Variants in PRKG1 observed in about 807,000 individuals in gnomAD.
PRKG1 encodes the protein cGMP-dependent protein kinase 1.
A neutral mutation model predicts 88.1 loss-of-function variants in PRKG1; 35 were observed. The observed-to-expected ratio is 0.40, with a 90% CI of 0.30 to 0.53. The LOEUF is 0.53. Among genes scored for constraint, PRKG1 ranks in the 20% least tolerant of loss-of-function variants. The probability of loss-of-function intolerance (pLI) is 0.59; values close to 1 mark genes in which losing one functional copy is unlikely to be tolerated. For missense variants in PRKG1, 540 were observed against 839.8 expected, an observed-to-expected ratio of 0.64 and a Z score of 4.41; for synonymous variants, 303 against 292.5, an observed-to-expected ratio of 1.04 and a Z score of -0.37.
intron 2 of PRKG1, among the ~76,000 whole-genome samples, chr10:51,388,321 AG>A (rs1164375390): frequency 6.6e-6 from 1 of 152,240 alleles, no homozygotes; most frequent in Non-Finnish European, 1.5e-5. Flanking sequence ...AACCGAGTCC[AG>A]TGAGACTAGC....
At chr10:51,845,045 T>G (rs1447750923) in intron 4 of PRKG1, among the ~76,000 whole-genome samples, 2 of 152,140 alleles carry the variant, frequency 1.3e-5, no homozygotes, top group Admixed American at 1.3e-4. Context: ...ATTTCTAAAT[T>G]GGCTTTATGT....
At chr10:51,479,853 G>A (rs774987287) in intron 3 of PRKG1, among the ~76,000 whole-genome samples, 3 of 152,014 alleles carry the variant, frequency 2.0e-5, no homozygotes, top group Non-Finnish European at 2.9e-5. Flanking sequence ...CGCCTTCACA[G>A]CATTTGAATT....
rs930552193 is a variant in PRKG1, at chr10:52,197,874, G to A, written c.1076+35911G>A. 2.6e-5 allele frequency among the ~76,000 whole-genome samples: 4 copies of A among 152,136 alleles called. No homozygotes were observed. In the East Asian group the frequency reaches 5.8e-4, roughly 22 times the overall value. ...ACAAAACTTCTTCCTGCTAGTGACA[G>A]GTACTCTGGGATGTTTAATATGCCT... On this transcript the variant is annotated intron_variant, in intron 9 of 17. Coordinates refer to ENST00000373980, the MANE Select transcript of PRKG1 (RefSeq NM_006258.4).
chr10:51,770,149 C>T (rs10999356), intron 3 of PRKG1, among the ~76,000 whole-genome samples: 4 of 152,224 alleles, frequency 2.6e-5, no homozygotes, highest in Admixed American at 2.6e-4. Flanking sequence ...TATGCGTCCT[C>T]TAAGGAATCT....
chr10:52,204,100 A>ATTT (rs1554817003), intron 9 of PRKG1, among the ~76,000 whole-genome samples: 1 of 127,458 alleles, frequency 7.8e-6, no homozygotes, highest in African/African-American at 2.8e-5. Context: ...TATTATTATT[A>ATTT]TTATTATTTT....
chr10:51,316,585 G>A (rs1192561141), intron 2 of PRKG1, among the ~76,000 whole-genome samples: 1 of 152,122 alleles, frequency 6.6e-6, no homozygotes, highest in African/African-American at 2.4e-5. Context: ...AGGAGGCTGA[G>A]GCAGGAGAGT....
chr10:51,865,355 G>A (rs1243620989), intron 4 of PRKG1, among the ~76,000 whole-genome samples: 2 of 151,786 alleles, frequency 1.3e-5, no homozygotes, highest in Non-Finnish European at 2.9e-5. Context: ...TACAACATAG[G>A]TATAATTTAC....
chr10:52,077,429 A>G (rs1415700414), intron 7 of PRKG1, among the ~76,000 whole-genome samples: 1 of 152,202 alleles, frequency 6.6e-6, no homozygotes, highest in Non-Finnish European at 1.5e-5. Flanking sequence ...ATTCTATAGA[A>G]TTTTATATAG....
intron 3 of PRKG1, among the ~76,000 whole-genome samples, chr10:51,475,413 G>T (rs12249091): frequency 7.6e-4 from 115 of 152,022 alleles, no homozygotes; most frequent in African/African-American, 2.8e-3. Context: ...TCCAGGTAAT[G>T]CCCCTATAGT....
intron 3 of PRKG1, among the ~76,000 whole-genome samples, chr10:51,646,106 A>G (rs1056579126): frequency 6.6e-6 from 1 of 152,128 alleles, no homozygotes; most frequent in African/African-American, 2.4e-5. Context: ...AATTCTATTC[A>G]GCCACAGAAA....
chr10:51,133,855 A>G (rs1489120696), intron 1 of PRKG1, among the ~76,000 whole-genome samples: 1 of 152,202 alleles, frequency 6.6e-6, no homozygotes. Flanking sequence ...AATATATTAA[A>G]AAGATAAATG....
chr10:51,224,665 T>G (rs762599648), intron 2 of PRKG1, among the ~76,000 whole-genome samples: 2 of 152,202 alleles, frequency 1.3e-5, no homozygotes, highest in Non-Finnish European at 2.9e-5. Flanking sequence ...TTCATTTTAT[T>G]TTTCTCCTAC....
chr10:51,816,537 A>ACGCGTGTGTGTG (rs1554844358), intron 4 of PRKG1, among the ~76,000 whole-genome samples: 1 of 145,938 alleles, frequency 6.9e-6, no homozygotes, highest in African/African-American at 2.5e-5. Flanking sequence ...TAATTTTGGC[A>ACGCGTGTGTGTG]TGTGTGTGTG....
At chr10:52,199,063 T>G (rs1564513325) in intron 9 of PRKG1, among the ~76,000 whole-genome samples, 1 of 147,426 alleles carries the variant, frequency 6.8e-6, no homozygotes, top group Non-Finnish European at 1.5e-5. Flanking sequence ...TGATGAAGGA[T>G]GAGATTGGAT....
intron 3 of PRKG1, among the ~76,000 whole-genome samples, chr10:51,670,046 G>C (rs56005445): frequency 0.19 from 29,548 of 151,952 alleles, 3,200 homozygotes; most frequent in Non-Finnish European, 0.26. Context: ...TTTTAAGGCT[G>C]TATTAGTTGA....
At chr10:51,605,618 A>T (rs1838744609) in intron 3 of PRKG1, among the ~76,000 whole-genome samples, 1 of 152,214 alleles carries the variant, frequency 6.6e-6, no homozygotes, top group Non-Finnish European at 1.5e-5. Context: ...AGAGAGTGTA[A>T]CCATTCCATC....
At chr10:51,818,961 C>A (rs1779424222) in intron 4 of PRKG1, among the ~76,000 whole-genome samples, 1 of 84,660 alleles carries the variant, frequency 1.2e-5, no homozygotes, top group African/African-American at 1.0e-4. Context: ...GAGCCGAGAT[C>A]CCGCCACTGC....
chr10:52,040,150 C>A lies in PRKG1; in HGVS notation c.763-14334C>A, dbSNP rs527972525. On this transcript the variant is annotated intron_variant, in intron 5 of 17. Transcript: ENST00000373980. ...AAAGGTTAAGTGTTTATTTTAAACT[C>A]CTAAAGAAGTAAAATATTGAGTAAA... Among the ~76,000 whole-genome samples, 29 of 152,218 alleles carry A rather than the reference C, an allele frequency of 1.9e-4. No homozygotes were observed. In the South Asian group the frequency reaches 4.6e-3, roughly 24 times the overall value.
chr10:52,098,917 A>G (rs879671068), intron 7 of PRKG1, among the ~76,000 whole-genome samples: 3 of 152,216 alleles, frequency 2.0e-5, no homozygotes, highest in Non-Finnish European at 4.4e-5. Context: ...TGCCTTTATA[A>G]TAAAAGAATC....
Sources: gnomAD v4.1 joint callset for allele counts (sites outside exome capture counted in the v4.1 genomes callset) on GRCh38, gnomAD v4.1.1 for gene constraint, MANE v1.5 for transcripts, NCBI Gene and HGNC (gene_info 2026-07-23, HGNC 2026-07-21) for gene names.